KCNH5: variants seen among roughly 807,000 people sequenced by gnomAD.
The protein encoded by KCNH5 is potassium voltage-gated channel subfamily H member 5.
KCNH5 carries 46 observed loss-of-function variants against 96.1 expected under a neutral mutation model. The ratio of observed to expected loss-of-function variants is 0.48; its 90% CI spans 0.38 to 0.61. The LOEUF is 0.61. Among genes scored for constraint, KCNH5 ranks in the 20% least tolerant of loss-of-function variants. The pLI is 0.00. For synonymous variants in KCNH5, 439 were observed against 449.8 expected (o/e 0.98, Z 0.30); for missense variants, 907 against 1,225.8 (o/e 0.74, Z 3.88).
intron 10 of KCNH5, among the ~76,000 whole-genome samples, chr14:62,748,162 G>C (rs1231485681): frequency 6.6e-6 from 1 of 152,116 alleles, no homozygotes; most frequent in African/African-American, 2.4e-5. Context: ...AGTGGTGAAA[G>C]GACAGCTACT....
intron 8 of KCNH5, among the ~76,000 whole-genome samples, chr14:62,830,915 A>T (rs1887333592): frequency 6.6e-6 from 1 of 152,078 alleles, no homozygotes; most frequent in South Asian, 2.1e-4. Context: ...TATCTAAAAC[A>T]TTTCCTTACT....
chr14:62,709,230 C>G (rs1884515373), intron 10 of KCNH5, among the ~76,000 whole-genome samples: 2 of 24,908 alleles, frequency 8.0e-5, no homozygotes, highest in African/African-American at 1.1e-4. Flanking sequence ...GAGACTCCTT[C>G]TCAAAAAAAA....
At chr14:62,858,807 C>T (rs904005815) in intron 7 of KCNH5, among the ~76,000 whole-genome samples, 15 of 152,272 alleles carry the variant, frequency 9.9e-5, no homozygotes, top group African/African-American at 3.6e-4. Flanking sequence ...TCAGAGCATA[C>T]ATGGCCTTCT....
At chr14:63,007,706 T>TGCAATTGCATATGATGCAAATGTCA (rs1891152737) in intron 2 of KCNH5, among the ~76,000 whole-genome samples, 1 of 152,176 alleles carries the variant, frequency 6.6e-6, no homozygotes, top group South Asian at 2.1e-4. Context: ...ATGATACATA[T>TGCAATTGCATATGATGCAAATGTCA]AATGCATTGA....
intron 7 of KCNH5, among the ~76,000 whole-genome samples, chr14:62,853,700 C>T (rs1887870505): frequency 6.6e-6 from 1 of 151,588 alleles, no homozygotes; most frequent in Non-Finnish European, 1.5e-5. Context: ...GCTCCTCATT[C>T]AGGTCTCTGC....
At chr14:62,717,923 G>A (rs1039490419) in intron 10 of KCNH5, among the ~76,000 whole-genome samples, 10 of 152,118 alleles carry the variant, frequency 6.6e-5, no homozygotes, top group African/African-American at 1.4e-4. Flanking sequence ...TATACACCAC[G>A]GAATACTATG....
intron 8 of KCNH5, among the ~76,000 whole-genome samples, chr14:62,806,258 C>A (rs1473494938): frequency 6.6e-6 from 1 of 152,146 alleles, no homozygotes; most frequent in Non-Finnish European, 1.5e-5. Context: ...GGGCAACTAG[C>A]AGCCCTTGGG....
At chr14:62,792,189 T>C (rs999260576) in intron 9 of KCNH5, among the ~76,000 whole-genome samples, 5 of 151,636 alleles carry the variant, frequency 3.3e-5, no homozygotes, top group African/African-American at 1.2e-4. Flanking sequence ...TTAGAAATGA[T>C]GTCTGCCAGT....
intron 7 of KCNH5, among the ~76,000 whole-genome samples, chr14:62,851,213 T>G (rs1887797739): frequency 6.6e-6 from 1 of 152,160 alleles, no homozygotes; most frequent in African/African-American, 2.4e-5. Context: ...TTAAGACAGA[T>G]TTTGTTAGAC....
At chr14:63,008,776 A>C (rs1467544404) in intron 2 of KCNH5, among the ~76,000 whole-genome samples, 1 of 152,136 alleles carries the variant, frequency 6.6e-6, no homozygotes, top group African/African-American at 2.4e-5. Context: ...CAAAGCTGAA[A>C]TTTCAGCTCA....
At chr14:62,895,449 G>A (rs935164335) in intron 7 of KCNH5, among the ~76,000 whole-genome samples, 2 of 151,872 alleles carry the variant, frequency 1.3e-5, no homozygotes, top group African/African-American at 2.4e-5. Flanking sequence ...TCCTGCCTCA[G>A]CCTCCCGAGT....
chr14:62,917,544 A>G lies in KCNH5; in HGVS notation c.1369+32589T>C, dbSNP rs527818877. On this transcript the variant is annotated intron_variant, in intron 7 of 10. Transcript: ENST00000322893. ...AAATTTATCTGCACCAAAATCCAGCATAATACCAAGAATAAAACCCTTTCT... is the reference window on the plus strand; with the variant it reads ...AAATTTATCTGCACCAAAATCCAGCGTAATACCAAGAATAAAACCCTTTCT... 5.2e-4 allele frequency among the ~76,000 whole-genome samples: 79 copies of G among 152,306 alleles called. 3 individuals carry two copies. The South Asian group carries it at 0.015, about 30-fold the overall frequency.
In KCNH5 at chr14:62,817,523, G is replaced by C. The variant is rs140811521; in HGVS notation, c.1570-14942C>G. Among the ~76,000 whole-genome samples the C allele has an allele frequency of 3.2e-3, 478 of 149,356 alleles. 2 individuals are homozygous for C. The highest frequency in any genetic ancestry group is 0.011 in the African/African-American group (466 of 41,036). The stretch of plus-strand genomic sequence containing the variant: ...AAAAAAGAATGAAAAAGAGTGAAGA[G>C]AGCTTATGGAAATGGTTCACTTGAT... On this transcript the variant is annotated intron_variant, in intron 8 of 10. Transcript: ENST00000322893.
At position 62,705,469 on chromosome 14, in the gene KCNH5, A is replaced by G. The variant is rs1566632595; in HGVS notation, c.*2039T>C. On this transcript the variant is annotated 3_prime_UTR_variant, in exon 11 of 11. Transcript: ENST00000322893. ...TCACCATGAAAGCAACAAAATTCCA[A>G]TTTCAAGGCTGATTCTTTACTCCAT... 6.6e-6 allele frequency: 1 copy of G among 151,982 alleles called. No homozygotes were observed. Among genetic ancestry groups the G allele is most frequent in the Non-Finnish European group, 1.5e-5 (1 of 67,890 alleles). The allele number at this position is 151,982 out of a possible 1,614,324, so 9.4% of individuals were successfully genotyped here.
Position 62,957,738 on chromosome 14 carries a change from G to T in KCNH5, c.943-7179C>A, listed in dbSNP as rs575318436. On this transcript the variant is annotated intron_variant, in intron 6 of 10. Transcript: ENST00000322893. The stretch of plus-strand genomic sequence containing the variant: ...CTGCCATGTGAACAAGACTCACTAG[G>T]CTTTGGGGGATGAGAGACCACAGAA... 2.4e-3 allele frequency among the ~76,000 whole-genome samples: 367 copies of T among 152,288 alleles called. 2 individuals carry two copies. The highest frequency in any genetic ancestry group is 7.7e-3 in the African/African-American group (318 of 41,556).
Position 62,937,953 on chromosome 14 carries a change from C to A in KCNH5, c.1369+12180G>T, listed in dbSNP as rs371069925. On this transcript the variant is annotated intron_variant, in intron 7 of 10. Transcript: ENST00000322893. The stretch of plus-strand genomic sequence containing the variant: ...ACCGTTTGGACCCTTTCTAAGGAAA[C>A]CAACAGGAAAACTCAACAGCCCAGT... Among the ~76,000 whole-genome samples the A allele has an allele frequency of 8.3e-4, 127 of 152,172 alleles. 3 individuals carry two copies. In the South Asian group the frequency reaches 0.025, roughly 30 times the overall value.
At chr14:62,802,717 G>A (rs975354127) in intron 8 of KCNH5, 136 bp from the exon 9 acceptor site, 14 of 1,043,646 alleles carry the variant, frequency 1.3e-5, no homozygotes, top group South Asian at 9.9e-5. Context: ...TACTGGGAAG[G>A]CAAAGGGAAC....
intron 6 of KCNH5, among the ~76,000 whole-genome samples, chr14:62,959,632 T>G (rs942221723): frequency 1.2e-4 from 18 of 152,180 alleles, no homozygotes; most frequent in African/African-American, 4.3e-4. Flanking sequence ...TGAATTCTGA[T>G]GTTTGCATCA....
chr14:63,031,403 T>A (rs1594684262), intron 1 of KCNH5, among the ~76,000 whole-genome samples: 1 of 152,114 alleles, frequency 6.6e-6, no homozygotes, highest in African/African-American at 2.4e-5. Flanking sequence ...CAAAGGAAGG[T>A]TATATTCAGT....
Sources: gnomAD v4.1 joint callset for allele counts (sites outside exome capture counted in the v4.1 genomes callset) on GRCh38, gnomAD v4.1.1 for gene constraint, MANE v1.5 for transcripts, NCBI Gene and HGNC (gene_info 2026-07-23, HGNC 2026-07-21) for gene names.